RANBP2: variants seen among roughly 807,000 people sequenced by gnomAD.
RANBP2 encodes the protein RAN binding protein 2.
A neutral mutation model predicts 303.6 loss-of-function variants in RANBP2; 57 were observed. The observed-to-expected ratio is 0.19, with a 90% CI of 0.15 to 0.23. RANBP2 has a LOEUF of 0.23. Ranked by LOEUF, RANBP2 falls within the 10% of genes least tolerant of loss-of-function variation. The probability of loss-of-function intolerance (pLI) is 1.00; values close to 1 mark genes in which losing one functional copy is unlikely to be tolerated. For missense variants in RANBP2, 3,138 were observed against 3,780.8 expected, an observed-to-expected ratio of 0.83 and a Z score of 4.46; for synonymous variants, 1,167 against 1,301.5, an observed-to-expected ratio of 0.90 and a Z score of 2.23.
the RANBP2 span, among the ~76,000 whole-genome samples, chr2:109,123,983 TATTTA>T: frequency 7.2e-5 from 1 of 13,980 alleles, no homozygotes; most frequent in Non-Finnish European, 2.5e-4. Context: ...TTTTCAGTTT[TATTTA>T]TTTATTTATT....
chr2:109,253,643 A>T, the RANBP2 span, among the ~76,000 whole-genome samples: 1 of 152,160 alleles, frequency 6.6e-6, no homozygotes, highest in Admixed American at 6.5e-5. Flanking sequence ...TGTGCTTAGA[A>T]TTTTGATAAA....
chr2:109,433,867 G>A, the RANBP2 span, among the ~76,000 whole-genome samples: 1 of 152,236 alleles, frequency 6.6e-6, no homozygotes, highest in Admixed American at 6.5e-5. Context: ...AAACTGCAGA[G>A]GGGCTTCAGG....
At chr2:109,547,446 T>C in the RANBP2 span, among the ~76,000 whole-genome samples, 2 of 150,428 alleles carry the variant, frequency 1.3e-5, no homozygotes, top group Non-Finnish European at 2.9e-5. Flanking sequence ...ATTCTTCCCG[T>C]ATACAACTGT....
downstream of RANBP2, chr2:108,787,024 C>G (rs879762784): frequency 6.8e-6 from 4 of 591,984 alleles, no homozygotes; most frequent in Non-Finnish European, 1.0e-5. Context: ...GGTCCCGGCC[C>G]CGGCACTCCC....
At chr2:109,395,856 C>T in the RANBP2 span, among the ~76,000 whole-genome samples, 1 of 152,220 alleles carries the variant, frequency 6.6e-6, no homozygotes, top group Non-Finnish European at 1.5e-5. Context: ...ATACAACAAC[C>T]TGTTGGTGCC....
the RANBP2 span, among the ~76,000 whole-genome samples, chr2:108,988,543 C>T: frequency 2.0e-5 from 3 of 152,132 alleles, no homozygotes; most frequent in Non-Finnish European, 2.9e-5. Context: ...ACAGCGGGTA[C>T]GCAGAGTTGG....
the RANBP2 span, among the ~76,000 whole-genome samples, chr2:109,037,664 G>A: frequency 6.6e-6 from 1 of 152,096 alleles, no homozygotes; most frequent in Non-Finnish European, 1.5e-5. Flanking sequence ...TATTAACAAT[G>A]AACATTTCAA....
At chr2:109,327,358 C>T in the RANBP2 span, among the ~76,000 whole-genome samples, 562 of 152,312 alleles carry the variant, frequency 3.7e-3, 1 homozygote, top group Non-Finnish European at 5.0e-3. Context: ...TGGACCCTCC[C>T]TTCAGTTCCA....
At chr2:109,354,341 G>C in the RANBP2 span, among the ~76,000 whole-genome samples, 1 of 152,166 alleles carries the variant, frequency 6.6e-6, no homozygotes, top group Non-Finnish European at 1.5e-5. Context: ...CCTTCTCTGG[G>C]CTCCAGCTTG....
chr2:108,868,872 A>G, the RANBP2 span, among the ~76,000 whole-genome samples: 2 of 152,126 alleles, frequency 1.3e-5, no homozygotes, highest in Admixed American at 1.3e-4. Flanking sequence ...TTGCACCTGA[A>G]TTGGTTCCAT....
chr2:109,030,248 A>G, the RANBP2 span, among the ~76,000 whole-genome samples: 2 of 152,190 alleles, frequency 1.3e-5, no homozygotes, highest in Non-Finnish European at 2.9e-5. Context: ...TCTCCCCAGC[A>G]GGCCATGCGC....
the RANBP2 span, among the ~76,000 whole-genome samples, chr2:109,674,410 C>CG: frequency 2.7e-5 from 2 of 75,270 alleles, no homozygotes; most frequent in East Asian, 8.4e-4. Context: ...CTTGTGTCTC[C>CG]AAAAAAAAAA....
At chr2:109,735,265 T>A in the RANBP2 span, among the ~76,000 whole-genome samples, 1 of 152,232 alleles carries the variant, frequency 6.6e-6, no homozygotes, top group African/African-American at 2.4e-5. Context: ...GTGGTATTTA[T>A]CTTTCTGTGC....
At chr2:109,576,289 G>A in the RANBP2 span, among the ~76,000 whole-genome samples, 15 of 152,074 alleles carry the variant, frequency 9.9e-5, no homozygotes, top group African/African-American at 3.6e-4. Flanking sequence ...TATATAGACA[G>A]GGTCTCGTTG....
chr2:109,014,503 G>T, the RANBP2 span, among the ~76,000 whole-genome samples: 1 of 152,236 alleles, frequency 6.6e-6, no homozygotes, highest in African/African-American at 2.4e-5. Flanking sequence ...GTGTTCTTGA[G>T]CCAGTTTCTA....
At chr2:109,549,732 G>A in the RANBP2 span, among the ~76,000 whole-genome samples, 48 of 152,238 alleles carry the variant, frequency 3.2e-4, no homozygotes, top group African/African-American at 1.1e-3. Context: ...CATACCCTAT[G>A]TTTTTTCCTA....
At chr2:108,916,299 T>TTG in the RANBP2 span, among the ~76,000 whole-genome samples, 1 of 152,206 alleles carries the variant, frequency 6.6e-6, no homozygotes, top group Non-Finnish European at 1.5e-5. Context: ...TCGCCTCTTC[T>TTG]TGTCCCTTCC....
At chr2:108,854,172 C>A in the RANBP2 span, among the ~76,000 whole-genome samples, 2 of 145,372 alleles carry the variant, frequency 1.4e-5, no homozygotes. Context: ...TCCTGTCCTA[C>A]TTGGCACTTG....
At chr2:109,502,905 G>C in the RANBP2 span, 1 of 152,164 alleles carries the variant, frequency 6.6e-6, no homozygotes, top group Non-Finnish European at 1.5e-5. Flanking sequence ...ATAAATAACT[G>C]CTCCCATTTC....
Sources: allele counts gnomAD v4.1 joint callset (sites outside exome capture counted in the v4.1 genomes callset), GRCh38; gene constraint gnomAD v4.1.1; transcripts MANE v1.5; gene names NCBI Gene and HGNC (gene_info 2026-07-23, HGNC 2026-07-21).